Variants in TRDN observed in about 807,000 individuals in gnomAD.
The protein encoded by TRDN is triadin, also known as triadin in skeletal muscle.
TRDN carries 161 observed loss-of-function variants against 149.7 expected under a neutral mutation model. The observed-to-expected ratio is 1.08, with a 90% CI of 0.95 to 1.23. The LOEUF (loss-of-function observed/expected upper bound fraction) is 1.23. TRDN is among the 50% of genes most tolerant of loss of function. The pLI, the probability that TRDN is intolerant of heterozygous loss-of-function variation, is 0.00. For synonymous variants in TRDN, 294 were observed against 250.5 expected (o/e 1.17, Z -1.64); for missense variants, 896 against 823.5 (o/e 1.09, Z -1.08).
chr6:123,535,926 T>C (rs2114369821), intron 4 of TRDN, among the ~76,000 whole-genome samples: 1 of 152,228 alleles, frequency 6.6e-6, no homozygotes, highest in East Asian at 1.9e-4. Flanking sequence ...TATACAAAAA[T>C]ATGTGCATCT....
At chr6:123,269,316 A>G (rs1777123044) in intron 31 of TRDN, among the ~76,000 whole-genome samples, 1 of 152,044 alleles carries the variant, frequency 6.6e-6, no homozygotes, top group African/African-American at 2.4e-5. Context: ...CAAATGGCAA[A>G]ATGTTTATAA....
chr6:123,310,715 A>G (rs1172719515), intron 24 of TRDN, among the ~76,000 whole-genome samples: 2 of 152,008 alleles, frequency 1.3e-5, no homozygotes, highest in Non-Finnish European at 2.9e-5. Context: ...GCCAACCAAG[A>G]GAAGGCAGCA....
At chr6:123,397,059 A>C (rs1185258672) in intron 12 of TRDN, among the ~76,000 whole-genome samples, 1 of 150,962 alleles carries the variant, frequency 6.6e-6, no homozygotes, top group East Asian at 2.0e-4. Context: ...AAAAAAAAAC[A>C]GTGTATTTAT....
chr6:123,304,668 C>CA (rs1381914200), intron 24 of TRDN, among the ~76,000 whole-genome samples: 2 of 151,948 alleles, frequency 1.3e-5, no homozygotes, highest in East Asian at 1.9e-4. Context: ...GATTGTCTGA[C>CA]AAAAAACTGT....
intron 13 of TRDN, among the ~76,000 whole-genome samples, chr6:123,389,731 TG>T (rs1214597452): frequency 6.6e-6 from 1 of 152,198 alleles, no homozygotes; most frequent in Admixed American, 6.6e-5. Flanking sequence ...AATTCTACTT[TG>T]GGACATTTGT....
intron 38 of TRDN, among the ~76,000 whole-genome samples, chr6:123,241,385 G>A (rs1268146530): frequency 6.6e-6 from 1 of 151,126 alleles, no homozygotes; most frequent in Non-Finnish European, 1.5e-5. Context: ...TTCAGAAAAA[G>A]AATATAAACT....
At chr6:123,360,002 G>A (rs563937193) in intron 20 of TRDN, among the ~76,000 whole-genome samples, 42 of 152,144 alleles carry the variant, frequency 2.8e-4, no homozygotes, top group African/African-American at 9.6e-4. Flanking sequence ...GCCGTGAAGG[G>A]GAATTTTTTT....
chr6:123,520,093 T>G (rs1039944891), intron 5 of TRDN, among the ~76,000 whole-genome samples: 2 of 152,142 alleles, frequency 1.3e-5, no homozygotes, highest in Non-Finnish European at 2.9e-5. Flanking sequence ...TTTGTGTGTA[T>G]GTTTCTTTTT....
chr6:123,337,394 T>C (rs1042374889), intron 22 of TRDN, among the ~76,000 whole-genome samples: 2 of 152,050 alleles, frequency 1.3e-5, no homozygotes, highest in African/African-American at 4.8e-5. Context: ...TTCTTTCTTT[T>C]CTCTTTGGGA....
chr6:123,227,814 C>T (rs1193305175), intron 38 of TRDN, among the ~76,000 whole-genome samples: 1 of 151,852 alleles, frequency 6.6e-6, no homozygotes, highest in South Asian at 2.1e-4. Context: ...ATGACGCCAT[C>T]CTGGCTCACT....
At chr6:123,544,043 T>A (rs1233213491) in intron 4 of TRDN, among the ~76,000 whole-genome samples, 1 of 152,118 alleles carries the variant, frequency 6.6e-6, no homozygotes, top group African/African-American at 2.4e-5. Context: ...AAGGTTAATA[T>A]ATTGCAAATC....
intron 38 of TRDN, among the ~76,000 whole-genome samples, chr6:123,228,757 A>G (rs987683986): frequency 1.3e-5 from 2 of 151,880 alleles, no homozygotes; most frequent in African/African-American, 4.8e-5. Context: ...CCCATGCATT[A>G]TGTTGCCTAA....
Position 123,255,093 on chromosome 6 carries a change from T to G in TRDN, c.1939A>C (p.Asn647His). The change falls in exon 37 of 41, where the codon AAT becomes CAT. Residue 647 changes from asparagine (N) to histidine (H), a missense_variant. Physicochemically the swap from Asn to His is moderately conservative, Grantham distance 68 (BLOSUM62 1). Coordinates refer to ENST00000334268, the MANE Select transcript of TRDN (RefSeq NM_006073.4). Reference sequence around the variant, plus strand: ...AATTCAAGATTACCTTTTGTCACATTGTGTAATTGAAGACTTTCTTTTCTT... The same window carrying G: ...AATTCAAGATTACCTTTTGTCACATGGTGTAATTGAAGACTTTCTTTTCTT... ...STRKESLQLHNVTKAEKPARV... is the reference protein window; with the variant it reads ...STRKESLQLHHVTKAEKPARV... 1.4e-6 allele frequency: 2 copies of G among 1,382,034 alleles called. No homozygotes were observed. The highest frequency in any genetic ancestry group is 2.0e-6 in the Non-Finnish European group (2 of 1,014,342). 85.6% of individuals were successfully genotyped at this position (1,382,034 alleles called of 1,614,324 possible). A position where few individuals can be genotyped will look rare whatever the true frequency, so the allele number is the denominator to read the frequency against.
chr6:123,223,672 T>TTCCTTCCTTCCTTC (rs1775236780), intron 39 of TRDN, among the ~76,000 whole-genome samples: 1 of 105,718 alleles, frequency 9.5e-6, no homozygotes, highest in Non-Finnish European at 2.0e-5. Flanking sequence ...GCCTTCCATT[T>TTCCTTCCTTCCTTC]CTTCCTTCCT....
intron 1 of TRDN, among the ~76,000 whole-genome samples, chr6:123,622,200 A>G (rs560025764): frequency 1.1e-3 from 160 of 152,150 alleles, no homozygotes; most frequent in African/African-American, 3.6e-3. Flanking sequence ...ATGATGATCC[A>G]GTTCCACTAA....
chr6:123,258,425 G>T (rs1417483717), intron 35 of TRDN, among the ~76,000 whole-genome samples: 1 of 152,074 alleles, frequency 6.6e-6, no homozygotes, highest in Non-Finnish European at 1.5e-5. Flanking sequence ...CTGTTTATGT[G>T]ATGGATTACA....
At chr6:123,234,929 T>A (rs1280443909) in intron 38 of TRDN, among the ~76,000 whole-genome samples, 1 of 152,034 alleles carries the variant, frequency 6.6e-6, no homozygotes, top group Admixed American at 6.6e-5. Context: ...GCTAGGATCG[T>A]TTGTTAAGCC....
intron 1 of TRDN, among the ~76,000 whole-genome samples, chr6:123,605,155 T>C (rs1784467479): frequency 6.6e-6 from 1 of 151,338 alleles, no homozygotes; most frequent in Non-Finnish European, 1.5e-5. Flanking sequence ...AGTAGCCAGG[T>C]GGTATGTTGC....
intron 25 of TRDN, 82 bp from the exon 26 acceptor site, chr6:123,278,429 A>G: frequency 4.5e-6 from 4 of 892,656 alleles, no homozygotes; most frequent in Non-Finnish European, 4.6e-6. Context: ...TTATTTTTAT[A>G]TAATTATTTT....
Sources: allele counts gnomAD v4.1 joint callset (sites outside exome capture counted in the v4.1 genomes callset), GRCh38; gene constraint gnomAD v4.1.1; transcripts MANE v1.5; gene names NCBI Gene and HGNC (gene_info 2026-07-23, HGNC 2026-07-21).